CCDC25: variants seen among roughly 807,000 people sequenced by gnomAD.
CCDC25 encodes coiled-coil domain containing 25.
Under a neutral mutation model 35.3 loss-of-function variants are expected in CCDC25, and 16 were observed. The observed-to-expected ratio is 0.45, with a 90% CI of 0.31 to 0.69. The LOEUF (loss-of-function observed/expected upper bound fraction) is 0.69, where lower values mean the gene tolerates loss of function less well. CCDC25 is among the 30% of genes least tolerant of loss of function. CCDC25 has a pLI of 0.06. For synonymous variants in CCDC25, 79 were observed against 80.3 expected (o/e 0.98, Z 0.09); for missense variants, 179 against 250.7 (o/e 0.71, Z 1.93).
chr8:27,740,140 TAAATA>T (rs1161767877), intron 8 of CCDC25, among the ~76,000 whole-genome samples: 1 of 81,780 alleles, frequency 1.2e-5, no homozygotes, highest in Non-Finnish European at 3.4e-5. Context: ...AGAACACTAA[TAAATA>T]AAGGCACTTT....
At chr8:27,767,921 T>C (rs1161623576) in intron 1 of CCDC25, among the ~76,000 whole-genome samples, 1 of 152,076 alleles carries the variant, frequency 6.6e-6, no homozygotes, top group African/African-American at 2.4e-5. Context: ...TGTCAGAATT[T>C]GTAGTCACAG....
Position 27,735,602 on chromosome 8 carries a change from A to T in CCDC25, c.*614T>A, listed in dbSNP as rs1803192466. 6.6e-6 allele frequency: 1 copy of T among 152,206 alleles called. No individual in the cohort carries two copies. The allele number at this position is 152,206 out of a possible 1,614,324, so 9.4% of individuals were successfully genotyped here. A position where few individuals can be genotyped will look rare whatever the true frequency, so the allele number is the denominator to read the frequency against. The stretch of plus-strand genomic sequence containing the variant: ...TTTCTTTAAATATGTTGATACTAAG[A>T]TGGAGGCCTCTGCTCAGAGGAAGCA... On this transcript the variant is annotated 3_prime_UTR_variant, in exon 9 of 9. Transcript: ENST00000356537.
intron 7 of CCDC25, among the ~76,000 whole-genome samples, chr8:27,743,187 T>C: frequency 6.6e-6 from 1 of 152,168 alleles, no homozygotes; most frequent in East Asian, 1.9e-4. Context: ...ATGTTTTACC[T>C]AGAAAAACAA....
In CCDC25 at chr8:27,757,204, C is replaced by T. The variant is rs115881083; in HGVS notation, c.117-434G>A. ...GAAAGAAGTCAGCAAGTCTCCAATG[C>T]TGCCAGCCTGGGAGATTAGCAGAAC... On this transcript the variant is annotated intron_variant, in intron 3 of 8. Coordinates refer to ENST00000356537, the MANE Select transcript of CCDC25 (RefSeq NM_018246.3). Among the ~76,000 whole-genome samples, 395 of 152,324 alleles carry T rather than the reference C, an allele frequency of 2.6e-3. 3 individuals are homozygous for T. Among genetic ancestry groups the T allele is most frequent in the African/African-American group, 9.1e-3 (378 of 41,570 alleles).
At chr8:27,756,963 C>T (rs917988299) in intron 3 of CCDC25, among the ~76,000 whole-genome samples, 193 bp from the exon 4 acceptor site, 8 of 152,136 alleles carry the variant, frequency 5.3e-5, no homozygotes, top group African/African-American at 9.7e-5. Context: ...ACGAGAAACA[C>T]TGAATTATGG....
intron 1 of CCDC25, among the ~76,000 whole-genome samples, chr8:27,771,536 C>T (rs567009764): frequency 6.6e-6 from 1 of 151,966 alleles, no homozygotes; most frequent in Non-Finnish European, 1.5e-5. Context: ...TCTCTCAAAA[C>T]CTTATTGTAC....
At chr8:27,768,066 G>T (rs1339530547) in intron 1 of CCDC25, among the ~76,000 whole-genome samples, 1 of 151,814 alleles carries the variant, frequency 6.6e-6, no homozygotes, top group African/African-American at 2.4e-5. Context: ...AATTAGCTGG[G>T]TGTGGTGGCT....
At position 27,733,919 on chromosome 8, in the gene CCDC25, C is replaced by T. The variant is rs1803124159; in HGVS notation, c.*2297G>A. ...ACTAGAAGCTGCAGCTGAAACTCTC[C>T]CCGTCTAATCCTGCTGTGTGTATGG... On this transcript the variant is annotated 3_prime_UTR_variant, in exon 9 of 9. Transcript: ENST00000356537. The T allele has an allele frequency of 6.6e-6, 1 of 152,114 alleles. No homozygotes were observed. Among genetic ancestry groups the T allele is most frequent in the African/African-American group, 2.4e-5 (1 of 41,424 alleles). The allele number at this position is 152,114 out of a possible 1,614,324, so 9.4% of individuals were successfully genotyped here.
chr8:27,736,382 A>G, intron 8 of CCDC25, 137 bp from the exon 9 acceptor site: 1 of 675,064 alleles, frequency 1.5e-6, no homozygotes, highest in South Asian at 2.0e-5. Flanking sequence ...AAATTGACTC[A>G]TCACTTCTCC....
rs534855411 is a variant in CCDC25 at position 27,735,161 on chromosome 8, A to G, written c.*1055T>C. On this transcript the variant is annotated 3_prime_UTR_variant, in exon 9 of 9. Coordinates refer to ENST00000356537, the MANE Select transcript of CCDC25 (RefSeq NM_018246.3). ...CCACTCATCTCTAAAGTCATTTTCT[A>G]TACCCTCTCAAAATTTGGCCAGTGA... The G allele has an allele frequency of 2.0e-5, 3 of 152,764 alleles. No homozygotes were observed. The South Asian group carries it at 6.2e-4, about 32-fold the overall frequency. 9.5% of individuals were successfully genotyped at this position (152,764 alleles called of 1,614,324 possible). A position where few individuals can be genotyped will look rare whatever the true frequency, so the allele number is the denominator to read the frequency against.
In CCDC25 at chr8:27,772,598, C is replaced by A; in HGVS notation, c.-58G>T. ...GAGCAGCAGCGCTCAACTCACGAAG[C>A]TCAGGATACCAGACTCGCGGCGGCC... On this transcript the variant is annotated 5_prime_UTR_variant, in exon 1 of 9. Transcript: ENST00000356537. 2 of 1,522,584 alleles carry A rather than the reference C, an allele frequency of 1.3e-6. No individual in the cohort carries two copies. Among genetic ancestry groups the A allele is most frequent in the Non-Finnish European group, 1.8e-6 (2 of 1,124,624 alleles). 94.3% of individuals were successfully genotyped at this position (1,522,584 alleles called of 1,614,324 possible).
At chr8:27,755,004 C>A (rs1803948865) in intron 4 of CCDC25, among the ~76,000 whole-genome samples, 1 of 152,194 alleles carries the variant, frequency 6.6e-6, no homozygotes, top group African/African-American at 2.4e-5. Flanking sequence ...GTAACAGGCG[C>A]ACCCAGAGCC....
intron 7 of CCDC25, among the ~76,000 whole-genome samples, chr8:27,746,622 A>G (rs1467553782): frequency 6.6e-6 from 1 of 152,176 alleles, no homozygotes; most frequent in Non-Finnish European, 1.5e-5. Context: ...GAATTTCACA[A>G]ATTTTACCTC....
At chr8:27,756,669 T>G in intron 4 of CCDC25, 50 bp downstream of exon 4, 1 of 1,205,554 alleles carries the variant, frequency 8.3e-7, no homozygotes, top group Non-Finnish European at 1.2e-6. Context: ...GAACAAGATA[T>G]GATGCATCAT....
intron 1 of CCDC25, among the ~76,000 whole-genome samples, chr8:27,771,657 C>G (rs1340315864): frequency 6.6e-6 from 1 of 152,142 alleles, no homozygotes; most frequent in Non-Finnish European, 1.5e-5. Flanking sequence ...GACTTACACT[C>G]TAGCTCAAGC....
chr8:27,761,952 T>C (rs563381329), intron 3 of CCDC25, among the ~76,000 whole-genome samples: 2 of 152,244 alleles, frequency 1.3e-5, no homozygotes, highest in African/African-American at 4.8e-5. Flanking sequence ...GGCGTCGGGG[T>C]TGGATCAAGA....
rs995972297 is a variant in CCDC25, at chr8:27,734,675, G to C, written c.*1541C>G. ...CTGAGTTAGGAAATGTTTAAAGTTT[G>C]AGCCCCAGGACCTCTCATACTATAG... is the stretch of plus-strand genomic sequence containing the variant. On this transcript the variant is annotated 3_prime_UTR_variant, in exon 9 of 9. Coordinates refer to ENST00000356537, the MANE Select transcript of CCDC25 (RefSeq NM_018246.3). 6.6e-6 allele frequency: 1 copy of C among 152,132 alleles called. No homozygotes were observed. Among genetic ancestry groups the C allele is most frequent in the African/African-American group, 2.4e-5 (1 of 41,408 alleles). The allele number at this position is 152,132 out of a possible 1,614,324, so 9.4% of individuals were successfully genotyped here.
rs28587875 is a variant in CCDC25 at position 27,740,654 on chromosome 8, C to T, written c.552-137G>A. 2,204 of 663,538 alleles carry T rather than the reference C, an allele frequency of 3.3e-3. 28 individuals are homozygous for T. In the African/African-American group the frequency reaches 0.033, roughly 10 times the overall value. The allele number at this position is 663,538 out of a possible 1,614,324, so 41.1% of individuals were successfully genotyped here. ...CAAGAGCTATTAGATATAATCTCTG[C>T]ACTCAAGGAGATTGCAACATTCAAA... On this transcript the variant is annotated intron_variant, in intron 7 of 8. Coordinates refer to ENST00000356537, the MANE Select transcript of CCDC25 (RefSeq NM_018246.3).
Position 27,772,508 on chromosome 8 carries a change from C to T in CCDC25, c.28+5G>A. The stretch of plus-strand genomic sequence containing the variant: ...AGGGTCCAGGAGGACGTGGCGCCCA[C>T]TCACCGCTGCTGCTGGTGAAGTAGA... On this transcript the variant is annotated splice_donor_5th_base_variant and intron_variant, in intron 1 of 8. Coordinates refer to ENST00000356537, the MANE Select transcript of CCDC25 (RefSeq NM_018246.3). The T allele has an allele frequency of 6.5e-7, 1 of 1,549,992 alleles. No individual in the cohort carries two copies.
Sources: gnomAD v4.1 joint callset for allele counts (sites outside exome capture counted in the v4.1 genomes callset) on GRCh38, gnomAD v4.1.1 for gene constraint, MANE v1.5 for transcripts, NCBI Gene and HGNC (gene_info 2026-07-23, HGNC 2026-07-21) for gene names.